Variants in UBE2O observed in about 807,000 individuals in gnomAD.
UBE2O encodes (E3-independent) E2 ubiquitin-conjugating enzyme.
In UBE2O, 15 loss-of-function variants were observed where a neutral mutation model predicts 125.8. The observed-to-expected ratio is 0.12, with a 90% CI of 0.08 to 0.18. The LOEUF (loss-of-function observed/expected upper bound fraction) is 0.18. Among genes scored for constraint, UBE2O ranks in the 10% least tolerant of loss-of-function variants. The pLI, the probability that UBE2O is intolerant of heterozygous loss-of-function variation, is 1.00. For missense variants in UBE2O, 1,280 were observed against 1,723.6 expected, an observed-to-expected ratio of 0.74 and a Z score of 4.56; for synonymous variants, 708 against 703.2, an observed-to-expected ratio of 1.01 and a Z score of -0.11.
Position 76,399,434 on chromosome 17 carries a change from C to G in UBE2O, c.1628+15G>C, listed in dbSNP as rs540563772. The G allele has an allele frequency of 2.5e-6, 4 of 1,610,466 alleles. No homozygotes were observed. In the East Asian group the frequency reaches 8.9e-5, roughly 36 times the overall value. On this transcript the variant is annotated intron_variant, in intron 9 of 17. Transcript: ENST00000319380. This position sits in a 1 kb window ranked among gnomAD's most constrained non-coding sequence, Gnocchi z 6.9. ...ACGCTGACGCCATTGGGGAGGGGCA[C>G]AACTCTGAGTTTACCTGTCCCCTGG...
At chr17:76,413,406 T>G (rs1249540353) in intron 1 of UBE2O, among the ~76,000 whole-genome samples, 1 of 152,116 alleles carries the variant, frequency 6.6e-6, no homozygotes, top group Non-Finnish European at 1.5e-5. Flanking sequence ...GACCCATTAG[T>G]GGGTTATAGA....
At chr17:76,431,711 C>CG (rs943336519) in intron 1 of UBE2O, among the ~76,000 whole-genome samples, 22 of 151,972 alleles carry the variant, frequency 1.4e-4, no homozygotes, top group East Asian at 7.7e-4. Flanking sequence ...GGAAGCCCAG[C>CG]GGGGGGGACT....
rs966567122 is a variant in UBE2O at position 76,452,316 on chromosome 17, C to CA, written c.417+408dup. ...ACAACCCCTCCCTGCACGGACCCGG[C>CA]ACGGCCTTCATTTCTGGATGCACAA... On this transcript the variant is annotated intron_variant, in intron 1 of 17. Transcript: ENST00000319380. This position sits in a 1 kb window ranked among gnomAD's most constrained non-coding sequence, Gnocchi z 4.4. 4.6e-5 allele frequency among the ~76,000 whole-genome samples: 7 copies of CA among 152,186 alleles called. No homozygotes were observed. The highest frequency in any genetic ancestry group is 1.7e-4 in the African/African-American group (7 of 41,438).
rs774853600 is a variant in UBE2O at position 76,398,031 on chromosome 17, A to G, written c.2026-143T>C. 9 of 1,027,120 alleles carry G rather than the reference A, an allele frequency of 8.8e-6. No homozygotes were observed. The highest frequency in any genetic ancestry group is 1.6e-5 in the African/African-American group (1 of 62,456). 63.6% of individuals were successfully genotyped at this position (1,027,120 alleles called of 1,614,324 possible). On this transcript the variant is annotated intron_variant, in intron 12 of 17. Coordinates refer to ENST00000319380, the MANE Select transcript of UBE2O (RefSeq NM_022066.4). This position sits in a 1 kb window ranked among gnomAD's most constrained non-coding sequence, Gnocchi z 5.4. The stretch of plus-strand genomic sequence containing the variant: ...TCCTCTGGTAAATGTAACCAGCGGC[A>G]GCTCAAGAAGCCTGACCCCAGAAGG...
Position 76,392,122 on chromosome 17 carries a change from G to T in UBE2O, c.2947-9C>A. On this transcript the variant is annotated splice_polypyrimidine_tract_variant and intron_variant, in intron 15 of 17. Transcript: ENST00000319380. ...AGAGCTGAGAAGAGGTCCTAGGTAG[G>T]GAGGGAGGGAGGGAGGCCAAGGTTG... The T allele has an allele frequency of 2.2e-6, 3 of 1,344,134 alleles. No homozygotes were observed. Among genetic ancestry groups the T allele is most frequent in the South Asian group, 1.5e-5 (1 of 65,482 alleles). 83.3% of individuals were successfully genotyped at this position (1,344,134 alleles called of 1,614,324 possible).
chr17:76,438,124 G>A (rs2143878205), intron 1 of UBE2O, among the ~76,000 whole-genome samples: 1 of 152,236 alleles, frequency 6.6e-6, no homozygotes, highest in Non-Finnish European at 1.5e-5. Context: ...CTTTTGGTAG[G>A]TGACCACATG....
At chr17:76,448,425 C>T (rs1348259055) in intron 1 of UBE2O, among the ~76,000 whole-genome samples, 2 of 152,190 alleles carry the variant, frequency 1.3e-5, no homozygotes, top group Non-Finnish European at 2.9e-5. Context: ...ACCTAAATAG[C>T]TTTCCCCATG....
rs545304271 is a variant in UBE2O at position 76,402,113 on chromosome 17, G to A, written c.701C>T (p.Thr234Met). 7 of 1,613,640 alleles carry A rather than the reference G, an allele frequency of 4.3e-6. No homozygotes were observed. Among genetic ancestry groups the A allele is most frequent in the South Asian group, 2.2e-5 (2 of 91,064 alleles). Residue 234 changes from threonine to methionine, a missense_variant, in exon 5 of 18, where the codon ACG (threonine) becomes ATG (methionine). Physicochemically the swap from Thr to Met is moderately conservative, Grantham distance 81 (BLOSUM62 -1). Coordinates refer to ENST00000319380, the MANE Select transcript of UBE2O (RefSeq NM_022066.4). This position sits in a 1 kb window ranked among gnomAD's most constrained non-coding sequence, Gnocchi z 5.4. ...GTCGTAGAGCTTGGCGCCATCTTCC[G>A]TGTTCATGGAGCACCTAAAACAGAG... is the stretch of plus-strand genomic sequence containing the variant. ...LSNGARCSMN[T>M]EDGAKLYDVC...
intron 1 of UBE2O, among the ~76,000 whole-genome samples, chr17:76,424,409 A>G (rs1002570112): frequency 1.4e-5 from 2 of 147,554 alleles, no homozygotes; most frequent in African/African-American, 5.0e-5. Context: ...GGGTTTCACC[A>G]TATTGGCCAG....
rs1432915583 is a variant in UBE2O at position 76,396,759 on chromosome 17, G to A, written c.2178C>T (p.Thr726=). Residue 726 remains threonine, a synonymous_variant, in exon 14 of 18, where the codon ACC becomes ACT. Transcript: ENST00000319380. This position sits in a 1 kb window ranked among gnomAD's most constrained non-coding sequence, Gnocchi z 6.7. ...ESDYDSVEGS[T]SGASSDEWED... Reference sequence around the variant, plus strand: ...CCCATTCATCCGAGGATGCCCCGCTGGTGCTGCCTTCTACCGAATCGTAGT... The same window carrying A: ...CCCATTCATCCGAGGATGCCCCGCTAGTGCTGCCTTCTACCGAATCGTAGT... The A allele has an allele frequency of 1.2e-6, 2 of 1,613,572 alleles. No homozygotes were observed. Among genetic ancestry groups the A allele is most frequent in the East Asian group, 2.2e-5 (1 of 44,878 alleles).
intron 1 of UBE2O, among the ~76,000 whole-genome samples, chr17:76,421,658 C>T (rs1209819514): frequency 2.0e-5 from 3 of 152,222 alleles, no homozygotes; most frequent in African/African-American, 7.2e-5. Flanking sequence ...AGCCACCACG[C>T]CCGGCCCTGA....
intron 5 of UBE2O, 192 bp downstream of exon 5, chr17:76,401,872 T>TC (rs2143713326): frequency 3.1e-6 from 1 of 326,430 alleles, no homozygotes; most frequent in South Asian, 4.8e-5. Context: ...AGACTCTGTC[T>TC]CAAAAAAAAA....
chr17:76,392,878 G>A (rs1211602309), intron 15 of UBE2O, among the ~76,000 whole-genome samples: 4 of 151,666 alleles, frequency 2.6e-5, no homozygotes, highest in African/African-American at 4.8e-5. Flanking sequence ...GCTTCAACCC[G>A]GAGGCGGAGG....
rs200785455 is a variant in UBE2O at position 76,425,862 on chromosome 17, GTCTC to G, written c.418-20294_418-20291del. 8.8e-3 allele frequency among the ~76,000 whole-genome samples: 1,334 copies of G among 152,214 alleles called. 23 individuals are homozygous for G. Among genetic ancestry groups the G allele is most frequent in the African/African-American group, 0.029 (1,223 of 41,508 alleles). ...TCTCCCTCCTGCAGAATTCCATCCT[GTCTC>G]TCTAACTCAGACTTTCCTCTGCCGC... On this transcript the variant is annotated intron_variant, in intron 1 of 17. Coordinates refer to ENST00000319380, the MANE Select transcript of UBE2O (RefSeq NM_022066.4).
At chr17:76,448,536 G>A (rs1039502916) in intron 1 of UBE2O, among the ~76,000 whole-genome samples, 3 of 152,182 alleles carry the variant, frequency 2.0e-5, no homozygotes, top group Non-Finnish European at 2.9e-5. Context: ...ATAAAAGCAG[G>A]GTGATCACAG....
intron 1 of UBE2O, among the ~76,000 whole-genome samples, chr17:76,449,465 T>C (rs1211281359): frequency 1.3e-5 from 2 of 151,896 alleles, no homozygotes; most frequent in Admixed American, 1.3e-4. Flanking sequence ...ATCCCAGCTA[T>C]GCGGGAGGCT....
chr17:76,410,816 T>C lies in UBE2O; in HGVS notation c.418-5244A>G, dbSNP rs904360700. Among the ~76,000 whole-genome samples the C allele has an allele frequency of 6.6e-6, 1 of 152,148 alleles. No homozygotes were observed. The highest frequency in any genetic ancestry group is 2.1e-4 in the South Asian group (1 of 4,818). ...CAAGGCACATGCTGCTTCTCTGAGC[T>C]GCAGTCTTGAGGCTGACCCCCAATA... On this transcript the variant is annotated intron_variant, in intron 1 of 17. Transcript: ENST00000319380. The surrounding 1 kb of genome is among the most constrained non-coding windows in gnomAD (Gnocchi z 4.0).
chr17:76,416,109 GTATACATA>G (rs1281403058), intron 1 of UBE2O, among the ~76,000 whole-genome samples: 1 of 151,592 alleles, frequency 6.6e-6, no homozygotes, highest in African/African-American at 2.4e-5. Context: ...ATGCGTATGT[GTATACATA>G]TATACATATA....
chr17:76,400,196 T>G lies in UBE2O; in HGVS notation c.1106A>C (p.Glu369Ala), dbSNP rs554181598. The G allele has an allele frequency of 1.9e-6, 3 of 1,614,082 alleles. No individual in the cohort carries two copies. Among genetic ancestry groups the G allele is most frequent in the Admixed American group, 3.3e-5 (2 of 60,022 alleles). The part of the protein sequence containing the change: ...AKVEPAKIAW[E>A]CPEKNCAQGE... ...CTGGGCGCAGTTTTTTTCTGGACAT[T>G]CCCAGGCAATCTTGGCTGGCTCTAC... The change falls in exon 8 of 18, where the codon GAA becomes GCA. Residue 369 changes from glutamate to alanine, a missense_variant. Around this residue, in one of 10 missense-constraint regions of UBE2O, gnomAD observed 206 missense variants for 315.7 expected, o/e 0.65. Transcript: ENST00000319380. This position sits in a 1 kb window ranked among gnomAD's most constrained non-coding sequence, Gnocchi z 4.3.
Sources: allele counts gnomAD v4.1 joint callset (sites outside exome capture counted in the v4.1 genomes callset), GRCh38; gene constraint gnomAD v4.1.1; regional missense constraint gnomAD v4.1.1; non-coding constraint Gnocchi (gnomAD v3.1); transcripts MANE v1.5; gene names NCBI Gene and HGNC (gene_info 2026-07-23, HGNC 2026-07-21).